The following RBM28 variants were observed in gnomAD, a reference collection of about 807,000 sequenced individuals.
RBM28 encodes the protein RNA binding motif protein 28.
Under a neutral mutation model 98.3 loss-of-function variants are expected in RBM28, and 78 were observed. The ratio of observed to expected loss-of-function variants is 0.79; its 90% CI spans 0.66 to 0.96. RBM28 has a LOEUF of 0.96. RBM28 is among the 40% of genes least tolerant of loss of function. The probability of loss-of-function intolerance (pLI) is 0.00; values close to 1 mark genes in which losing one functional copy is unlikely to be tolerated. For synonymous variants in RBM28, 306 were observed against 330.9 expected (o/e 0.92, Z 0.82); for missense variants, 838 against 913.0 (o/e 0.92, Z 1.06).
At chr7:128,337,454 TAAAG>T in intron 5 of RBM28, among the ~76,000 whole-genome samples, 2 of 151,270 alleles carry the variant, frequency 1.3e-5, no homozygotes, top group Middle Eastern at 3.5e-3. Flanking sequence ...AGTAAAAAAA[TAAAG>T]AATTAGAACT....
At position 128,303,713 on chromosome 7, in the gene RBM28, T is replaced by A. The variant is rs2116300660; in HGVS notation, c.*7084A>T. 1 of 152,248 alleles carries A rather than the reference T, an allele frequency of 6.6e-6. No homozygotes were observed. The highest frequency in any genetic ancestry group is 1.9e-4 in the East Asian group (1 of 5,188). 9.4% of individuals were successfully genotyped at this position (152,248 alleles called of 1,614,324 possible). The stretch of plus-strand genomic sequence containing the variant: ...AAAAAAATTAAAAGAAAATGAACAA[T>A]GTATTTTCCACGTCAAGATGCCTGA... On this transcript the variant is annotated 3_prime_UTR_variant, in exon 19 of 19. Coordinates refer to ENST00000223073, the MANE Select transcript of RBM28 (RefSeq NM_018077.3).
intron 9 of RBM28, 92 bp downstream of exon 9, chr7:128,333,198 T>G: frequency 1.0e-6 from 1 of 974,362 alleles, no homozygotes; most frequent in East Asian, 2.4e-5. Flanking sequence ...ATTTCTGGGC[T>G]AGGTAACAGA....
Position 128,318,064 on chromosome 7 carries a change from T to A in RBM28, c.1606A>T (p.Lys536Ter), listed in dbSNP as rs781465026. 6.2e-7 allele frequency: 1 copy of A among 1,613,870 alleles called. No individual in the cohort carries two copies. The highest frequency in any genetic ancestry group is 1.1e-5 in the South Asian group (1 of 91,084). The change falls in exon 15 of 19, where the codon AAG (lysine) becomes TAG (stop). Residue 536 changes from lysine to a stop codon, truncating the protein, a stop_gained. Transcript: ENST00000223073. LOFTEE classifies it high-confidence loss of function. ...AAGGCGTAGCCCAGGGACTGACCCTTCATGTTCCCATGAACTCCTTTGAGG... is the reference window on the plus strand; with the variant it reads ...AAGGCGTAGCCCAGGGACTGACCCTACATGTTCCCATGAACTCCTTTGAGG... Reference protein sequence around the residue: ...RDLKGVHGNMKGQSLGYAFAE... With the variant: ...RDLKGVHGNM
rs534622910 is a variant in RBM28 at position 128,305,382 on chromosome 7, A to G, written c.*5415T>C. 1 of 152,350 alleles carries G rather than the reference A, an allele frequency of 6.6e-6. No individual in the cohort carries two copies. Among genetic ancestry groups the G allele is most frequent in the South Asian group, 2.1e-4 (1 of 4,832 alleles). The allele number at this position is 152,350 out of a possible 1,614,324, so 9.4% of individuals were successfully genotyped here. On this transcript the variant is annotated 3_prime_UTR_variant, in exon 19 of 19. Transcript: ENST00000223073. ...GCATTGGAGTCTCTTTCAGTTGAAA[A>G]GTGCATGCAGACAATTGAGTGTCAG...
chr7:128,327,835 T>A (rs1796387566), intron 10 of RBM28, among the ~76,000 whole-genome samples: 1 of 152,202 alleles, frequency 6.6e-6, no homozygotes, highest in South Asian at 2.1e-4. Flanking sequence ...AGAAAGTAAG[T>A]TTACCTTTCA....
rs1795966633 is a variant in RBM28 at position 128,310,860 on chromosome 7, CT to C, written c.2216del (p.Gln739ArgfsTer51). 2 of 1,614,144 alleles carry C rather than the reference CT, an allele frequency of 1.2e-6. No individual in the cohort carries two copies. The highest frequency in any genetic ancestry group is 1.7e-6 in the Non-Finnish European group (2 of 1,179,972). ...CTCCTTTAGAAGGTCCCAATAATTT[CT>C]GCTTATATTGTTCGACCAGCTGGTT... ...RFNQLVEQYK[Q>X]KLLGPSKGAP... On this transcript the variant is annotated frameshift_variant, in exon 19 of 19. Coordinates refer to ENST00000223073, the MANE Select transcript of RBM28 (RefSeq NM_018077.3). LOFTEE classifies it high-confidence loss of function.
Position 128,301,905 on chromosome 7 carries a change from A to G in RBM28, c.*8892T>C, listed in dbSNP as rs1474811375. On this transcript the variant is annotated 3_prime_UTR_variant, in exon 19 of 19. Transcript: ENST00000223073. The stretch of plus-strand genomic sequence containing the variant: ...TCCTGAGGCACTCTATCGAAGTGCA[A>G]GTCCCTGAATCTGTGTCCCAAGCTC... 2.0e-5 allele frequency: 3 copies of G among 152,210 alleles called. No individual in the cohort carries two copies. The highest frequency in any genetic ancestry group is 7.2e-5 in the African/African-American group (3 of 41,446). 9.4% of individuals were successfully genotyped at this position (152,210 alleles called of 1,614,324 possible).
intron 3 of RBM28, 36 bp from the exon 4 acceptor site, chr7:128,338,837 C>G (rs773511800): frequency 1.4e-6 from 2 of 1,380,258 alleles, no homozygotes; most frequent in African/African-American, 2.8e-5. Context: ...AAGAGAAACA[C>G]AATCACAGCA....
chr7:128,329,499 G>C (rs1264377501), intron 10 of RBM28, among the ~76,000 whole-genome samples: 2 of 152,170 alleles, frequency 1.3e-5, no homozygotes, highest in Non-Finnish European at 2.9e-5. Context: ...CTTAAGCTGT[G>C]GATAGGCTCA....
intron 10 of RBM28, among the ~76,000 whole-genome samples, chr7:128,326,721 C>T (rs1454548725): frequency 6.6e-6 from 1 of 152,174 alleles, no homozygotes; most frequent in East Asian, 1.9e-4. Flanking sequence ...GACACAGGCA[C>T]TATGTTAGGT....
At chr7:128,326,350 T>G (rs1796351141) in intron 10 of RBM28, among the ~76,000 whole-genome samples, 1 of 150,780 alleles carries the variant, frequency 6.6e-6, no homozygotes, top group South Asian at 2.1e-4. Flanking sequence ...CATAAGGACG[T>G]TTTGGTCAGT....
At position 128,305,482 on chromosome 7, in the gene RBM28, ACT is replaced by A. The variant is rs761825514; in HGVS notation, c.*5313_*5314del. Reference sequence around the variant, plus strand: ...GTAAGGAGATGAAGGGACATTTGAGACTCTGAATTTTTTCTTTTTTTGTAGAG... The same window carrying A: ...GTAAGGAGATGAAGGGACATTTGAGACTGAATTTTTTCTTTTTTTGTAGAG... On this transcript the variant is annotated 3_prime_UTR_variant, in exon 19 of 19. Transcript: ENST00000223073. The A allele has an allele frequency of 3.3e-5, 5 of 151,900 alleles. No homozygotes were observed. The highest frequency in any genetic ancestry group is 5.9e-5 in the Non-Finnish European group (4 of 68,022). The allele number at this position is 151,900 out of a possible 1,614,324, so 9.4% of individuals were successfully genotyped here. A position where few individuals can be genotyped will look rare whatever the true frequency, so the allele number is the denominator to read the frequency against.
At chr7:128,317,855 T>C in intron 15 of RBM28, 102 bp downstream of exon 15, 1 of 1,564,024 alleles carries the variant, frequency 6.4e-7, no homozygotes, top group Non-Finnish European at 8.8e-7. Context: ...TTGCCACTGT[T>C]TCCCACCCCT....
intron 13 of RBM28, 47 bp downstream of exon 13, chr7:128,323,480 A>C (rs1796280337): frequency 6.2e-7 from 1 of 1,605,588 alleles, no homozygotes; most frequent in Non-Finnish European, 8.5e-7. Context: ...TTTTTGATTG[A>C]TTTATAGGCC....
chr7:128,320,706 A>C (rs1397672704), intron 14 of RBM28, among the ~76,000 whole-genome samples: 1 of 152,386 alleles, frequency 6.6e-6, no homozygotes, highest in East Asian at 1.9e-4. Context: ...TGCTAAGCAC[A>C]CAACAGGCAT....
intron 14 of RBM28, among the ~76,000 whole-genome samples, chr7:128,319,912 A>G (rs1796185341): frequency 6.6e-6 from 1 of 152,180 alleles, no homozygotes; most frequent in African/African-American, 2.4e-5. Context: ...GTCTCTACCA[A>G]AAACAAGAAA....
rs764603678 is a variant in RBM28, at chr7:128,317,747, A to G, written c.1714-14T>C. Reference sequence around the variant, plus strand: ...CACTATTGGTCTCTGTCAGAGGGAGACAGAATGCCATTCATTAGACTTCTT... The same window carrying G: ...CACTATTGGTCTCTGTCAGAGGGAGGCAGAATGCCATTCATTAGACTTCTT... On this transcript the variant is annotated splice_polypyrimidine_tract_variant and intron_variant, in intron 15 of 18. Coordinates refer to ENST00000223073, the MANE Select transcript of RBM28 (RefSeq NM_018077.3). 87 of 1,572,434 alleles carry G rather than the reference A, an allele frequency of 5.5e-5. No individual in the cohort carries two copies. Among genetic ancestry groups the G allele is most frequent in the Non-Finnish European group, 7.2e-5 (82 of 1,142,690 alleles).
intron 18 of RBM28, 70 bp from the exon 19 acceptor site, chr7:128,311,001 C>T (rs1795971990): frequency 5.4e-6 from 8 of 1,491,234 alleles, no homozygotes; most frequent in South Asian, 1.1e-5. Context: ...ACCCTCAGGC[C>T]ACCCAAGAGA....
At chr7:128,330,788 T>C in intron 10 of RBM28, 31 bp downstream of exon 10, 1 of 1,537,026 alleles carries the variant, frequency 6.5e-7, no homozygotes, top group Middle Eastern at 1.7e-4. Context: ...GTCTCAACCC[T>C]TTTAGGGCCT....
Sources: gnomAD v4.1 joint callset for allele counts (sites outside exome capture counted in the v4.1 genomes callset) on GRCh38, gnomAD v4.1.1 for gene constraint, MANE v1.5 for transcripts, NCBI Gene and HGNC (gene_info 2026-07-23, HGNC 2026-07-21) for gene names.